Variants in RIMS2 observed in about 807,000 individuals in gnomAD.
RIMS2 encodes regulating synaptic membrane exocytosis 2.
A neutral mutation model predicts 174.4 loss-of-function variants in RIMS2; 59 were observed. The ratio of observed to expected loss-of-function variants is 0.34; its 90% confidence interval spans 0.27 to 0.42. The LOEUF is 0.42. Among genes scored for constraint, RIMS2 ranks in the 10% least tolerant of loss-of-function variants. RIMS2 has a pLI of 1.00. For missense variants in RIMS2, 1,620 were observed against 1,666.3 expected, an observed-to-expected ratio of 0.97 and a Z score of 0.48; for synonymous variants, 606 against 572.5, an observed-to-expected ratio of 1.06 and a Z score of -0.84.
At position 103,578,436 on chromosome 8, in the gene RIMS2, C is replaced by T. The variant is rs1034648882; in HGVS notation, c.176+77374C>T. Reference sequence around the variant, plus strand: ...ATCCCAGCTACTCGGGAGACTGAGACGGGAGAATCATTTGAGCCTGGGAGT... The same window carrying T: ...ATCCCAGCTACTCGGGAGACTGAGATGGGAGAATCATTTGAGCCTGGGAGT... On this transcript the variant is annotated intron_variant, in intron 1 of 23. Coordinates refer to ENST00000504942, the Ensembl canonical transcript of RIMS2. Among the ~76,000 whole-genome samples the T allele has an allele frequency of 3.0e-4, 46 of 152,068 alleles. 1 individual carries two copies. Among genetic ancestry groups the T allele is most frequent in the Admixed American group, 2.1e-3 (32 of 15,266 alleles).
intron 19 of RIMS2, among the ~76,000 whole-genome samples, chr8:104,152,794 CTT>C (rs1333338941): frequency 5.3e-5 from 8 of 152,020 alleles, no homozygotes; most frequent in Non-Finnish European, 1.2e-4. Context: ...TTTTCAAAGA[CTT>C]GTTTAGTATT....
At chr8:103,594,471 A>C (rs1241952114) in intron 1 of RIMS2, among the ~76,000 whole-genome samples, 1 of 151,724 alleles carries the variant, frequency 6.6e-6, no homozygotes, top group Non-Finnish European at 1.5e-5. Context: ...CACACACACA[A>C]AAAGCCTATG....
intron 19 of RIMS2, among the ~76,000 whole-genome samples, chr8:104,118,370 G>GTTTTTTTT (rs113018786): frequency 2.2e-5 from 3 of 136,492 alleles, no homozygotes; most frequent in Non-Finnish European, 3.1e-5. Flanking sequence ...TTGTTTTTTT[G>GTTTTTTTT]TTTTTTTTTT....
chr8:103,502,501 A>C (rs1191606421), intron 1 of RIMS2, among the ~76,000 whole-genome samples: 1 of 152,158 alleles, frequency 6.6e-6, no homozygotes, highest in Non-Finnish European at 1.5e-5. Context: ...GGCGTTGAAT[A>C]CTTATTTGGG....
rs1565063527 is a variant in RIMS2 at position 103,876,920 on chromosome 8, C to CACACA, written c.699-8378_699-8377insACACA. Among the ~76,000 whole-genome samples the CACACA allele has an allele frequency of 7.7e-3, 480 of 62,416 alleles. 11 individuals carry two copies. Among genetic ancestry groups the CACACA allele is most frequent in the Middle Eastern group, 0.026 (2 of 76 alleles). 40.9% of individuals were successfully genotyped at this position (62,416 alleles called of 152,430 possible). A position where few individuals can be genotyped will look rare whatever the true frequency, so the allele number is the denominator to read the frequency against. On this transcript the variant is annotated intron_variant, in intron 3 of 23. Coordinates refer to ENST00000504942, the Ensembl canonical transcript of RIMS2. The stretch of plus-strand genomic sequence containing the variant: ...TATATATATATATATACACACACAC[C>CACACA]CCCATATACATAACACAGTTTCTTT...
At chr8:103,939,275 C>G (rs993187377) in intron 13 of RIMS2, among the ~76,000 whole-genome samples, 1 of 152,224 alleles carries the variant, frequency 6.6e-6, no homozygotes, top group Non-Finnish European at 1.5e-5. Context: ...CAGAGGTTCC[C>G]AAATCCCAAT....
intron 11 of RIMS2, 54 bp from the exon 14 acceptor site, chr8:103,931,209 T>C: frequency 7.6e-7 from 1 of 1,314,128 alleles, no homozygotes. Context: ...AAAGTAAACA[T>C]TGTGTTTGTG....
chr8:104,123,511 A>T (rs1330259668), intron 19 of RIMS2, among the ~76,000 whole-genome samples: 1 of 152,040 alleles, frequency 6.6e-6, no homozygotes, highest in African/African-American at 2.4e-5. Context: ...TATGTGCATC[A>T]TTGGGGACAG....
At position 103,696,885 on chromosome 8, in the gene RIMS2, A is replaced by AAAAAAC. The variant is rs1554753422; in HGVS notation, c.177-201_177-200insAAAAAC. On this transcript the variant is annotated intron_variant, in intron 1 of 23. Coordinates refer to ENST00000504942, the Ensembl canonical transcript of RIMS2. ...CTCAAAAAAAAAAAAAAAAAAAAAA[A>AAAAAAC]GAAGGTAGAACTAGTTGCAATACTT... is the stretch of plus-strand genomic sequence containing the variant. Among the ~76,000 whole-genome samples, 54 of 136,862 alleles carry AAAAAAC rather than the reference A, an allele frequency of 3.9e-4. 4 individuals are homozygous for AAAAAAC. Among genetic ancestry groups the AAAAAAC allele is most frequent in the South Asian group, 4.3e-4 (2 of 4,600 alleles). The allele number at this position is 136,862 out of a possible 152,430, so 89.8% of individuals were successfully genotyped here. A position where few individuals can be genotyped will look rare whatever the true frequency, so the allele number is the denominator to read the frequency against.
At chr8:103,592,457 G>C (rs1315556661) in intron 1 of RIMS2, among the ~76,000 whole-genome samples, 1 of 150,900 alleles carries the variant, frequency 6.6e-6, no homozygotes, top group African/African-American at 2.4e-5. Context: ...ATGGCATCTT[G>C]GCATTGAGTA....
At chr8:103,594,249 T>G (rs2094394817) in intron 1 of RIMS2, among the ~76,000 whole-genome samples, 1 of 151,352 alleles carries the variant, frequency 6.6e-6, no homozygotes, top group Non-Finnish European at 1.5e-5. Context: ...TAGTGCCACA[T>G]TTTTTTTCAT....
intron 1 of RIMS2, among the ~76,000 whole-genome samples, chr8:103,672,529 G>A (rs935095451): frequency 6.6e-6 from 1 of 151,826 alleles, no homozygotes; most frequent in South Asian, 2.1e-4. Flanking sequence ...GGCCATTGTA[G>A]GAGCATGGCT....
chr8:103,500,812 A>AGCCGCCGCGCCGGT lies in RIMS2; in HGVS notation c.-66_-53dup, dbSNP rs1479791156. ...TTGTCCCAGCGCTGGAGGCTGCCCCAGCCGCCGCGCCGGTGCCGCCGCTGC... is the reference window on the plus strand; with the variant it reads ...TTGTCCCAGCGCTGGAGGCTGCCCCAGCCGCCGCGCCGGTGCCGCCGCGCCGGTGCCGCCGCTGC... On this transcript the variant is annotated 5_prime_UTR_variant, in exon 1 of 24. It introduces an in-frame stop codon into an upstream open reading frame of the 5' UTR. Transcript: ENST00000504942. 7.4e-6 allele frequency: 7 copies of AGCCGCCGCGCCGGT among 941,252 alleles called. No individual in the cohort carries two copies. The South Asian group carries it at 1.0e-4, about 14-fold the overall frequency. 58.3% of individuals were successfully genotyped at this position (941,252 alleles called of 1,614,324 possible).
At chr8:104,015,010 G>A (rs2095862686) in intron 19 of RIMS2, among the ~76,000 whole-genome samples, 1 of 152,084 alleles carries the variant, frequency 6.6e-6, no homozygotes, top group African/African-American at 2.4e-5. Flanking sequence ...ATGCACAATG[G>A]TGATCCTTCT....
intron 1 of RIMS2, 128 bp downstream of exon 1, chr8:103,501,190 C>A: frequency 1.7e-6 from 1 of 589,084 alleles, no homozygotes; most frequent in Non-Finnish European, 2.6e-6. Context: ...GCCACGAGGG[C>A]TGCGGCCAGC....
intron 2 of RIMS2, among the ~76,000 whole-genome samples, chr8:103,756,193 G>C (rs947174385): frequency 6.6e-6 from 1 of 152,104 alleles, no homozygotes; most frequent in East Asian, 1.9e-4. Context: ...TCACTCATCT[G>C]CAGATCTGTT....
intron 1 of RIMS2, among the ~76,000 whole-genome samples, chr8:103,626,936 C>T (rs557084745): frequency 8.2e-4 from 125 of 152,244 alleles, no homozygotes; most frequent in African/African-American, 2.6e-3. Context: ...GTCTATGTCC[C>T]GCTGTGCATG....
chr8:103,503,524 T>G lies in RIMS2; in HGVS notation c.176+2462T>G, dbSNP rs555681819. On this transcript the variant is annotated intron_variant, in intron 1 of 23. Coordinates refer to ENST00000504942, the Ensembl canonical transcript of RIMS2. ...TTCGCTTACCTAGTCATTACTATCC[T>G]TTGTTTCTTTTTAGTGCTGTTCATT... Among the ~76,000 whole-genome samples the G allele has an allele frequency of 3.3e-5, 5 of 152,134 alleles. No individual in the cohort carries two copies. The East Asian group carries it at 9.6e-4, about 29-fold the overall frequency.
At chr8:103,820,214 G>C (rs917015416) in intron 3 of RIMS2, among the ~76,000 whole-genome samples, 9 of 151,950 alleles carry the variant, frequency 5.9e-5, no homozygotes, top group Non-Finnish European at 1.0e-4. Context: ...TATGGTGAAG[G>C]CTGTTAAATT....
Sources: gnomAD v4.1 joint callset for allele counts (sites outside exome capture counted in the v4.1 genomes callset) on GRCh38, gnomAD v4.1.1 for gene constraint, MANE v1.5 for transcripts, NCBI Gene and HGNC (gene_info 2026-07-23, HGNC 2026-07-21) for gene names.